The following EPHA6 variants were observed in gnomAD, a reference collection of about 807,000 sequenced individuals.
The protein encoded by EPHA6 is ephrin type-A receptor 6.
EPHA6 carries 50 observed loss-of-function variants against 112.0 expected under a neutral mutation model. The ratio of observed to expected loss-of-function variants is 0.45; its 90% CI spans 0.36 to 0.56. The LOEUF is 0.56. Among genes scored for constraint, EPHA6 ranks in the 20% least tolerant of loss-of-function variants. EPHA6 has a pLI of 0.00. For missense variants in EPHA6, 1,280 were observed against 1,417.4 expected, an observed-to-expected ratio of 0.90 and a Z score of 1.56; for synonymous variants, 529 against 490.7, an observed-to-expected ratio of 1.08 and a Z score of -1.03.
At chr3:97,710,810 C>T (rs2107763144) in intron 14 of EPHA6, among the ~76,000 whole-genome samples, 1 of 152,336 alleles carries the variant, frequency 6.6e-6, no homozygotes, top group Admixed American at 6.5e-5. Context: ...TTATGAGAAT[C>T]ACCCTTGTGT....
chr3:97,611,805 C>T (rs755141876), intron 13 of EPHA6, among the ~76,000 whole-genome samples: 2 of 151,764 alleles, frequency 1.3e-5, no homozygotes, highest in African/African-American at 4.8e-5. Flanking sequence ...CACTTCACTT[C>T]GTTTTTTGCC....
chr3:97,228,514 C>T (rs61274724), intron 4 of EPHA6, among the ~76,000 whole-genome samples: 2,740 of 150,370 alleles, frequency 0.018, 92 homozygotes, highest in African/African-American at 0.058. Flanking sequence ...TGCTGAGTAG[C>T]ATTCTATGGT....
chr3:97,692,999 G>A (rs989805888), intron 14 of EPHA6, among the ~76,000 whole-genome samples: 2 of 152,126 alleles, frequency 1.3e-5, no homozygotes. Flanking sequence ...TGTTTACATT[G>A]CAGCTATGCT....
chr3:97,439,499 C>A, intron 6 of EPHA6: 1 of 332,282 alleles, frequency 3.0e-6, no homozygotes, highest in Middle Eastern at 1.4e-3. Flanking sequence ...TTAGAAATTT[C>A]TTCTTGTGCA....
intron 1 of EPHA6, among the ~76,000 whole-genome samples, chr3:96,831,463 G>A (rs1325965165): frequency 6.6e-6 from 1 of 151,650 alleles, no homozygotes; most frequent in East Asian, 1.9e-4. Flanking sequence ...GTTCTGCTGA[G>A]CCCACTCCAA....
intron 3 of EPHA6, among the ~76,000 whole-genome samples, chr3:97,126,276 T>G (rs566556918): frequency 6.6e-6 from 1 of 152,308 alleles, no homozygotes; most frequent in Admixed American, 6.5e-5. Flanking sequence ...GTAGTTCTCT[T>G]GTCTCAGAAT....
intron 5 of EPHA6, among the ~76,000 whole-genome samples, chr3:97,388,037 G>A (rs2086172622): frequency 6.6e-6 from 1 of 152,152 alleles, no homozygotes; most frequent in Non-Finnish European, 1.5e-5. Flanking sequence ...CACGAGAACA[G>A]CACAAATGAA....
chr3:96,966,344 C>A (rs190766347), intron 2 of EPHA6, among the ~76,000 whole-genome samples: 1 of 152,006 alleles, frequency 6.6e-6, no homozygotes, highest in African/African-American at 2.4e-5. Flanking sequence ...AGCCAGCTGG[C>A]AAAGCAGAAA....
chr3:97,512,818 G>T (rs1473985408), intron 10 of EPHA6, among the ~76,000 whole-genome samples: 1 of 152,156 alleles, frequency 6.6e-6, no homozygotes, highest in Non-Finnish European at 1.5e-5. Flanking sequence ...GCCCACCTCG[G>T]CCTCCGAAAG....
At chr3:97,202,609 C>A (rs1226607973) in intron 3 of EPHA6, among the ~76,000 whole-genome samples, 1 of 152,094 alleles carries the variant, frequency 6.6e-6, no homozygotes, top group African/African-American at 2.4e-5. Context: ...GCTGGGATTA[C>A]AGGCGTAAGC....
At chr3:96,956,327 A>G (rs1192155857) in intron 2 of EPHA6, among the ~76,000 whole-genome samples, 1 of 152,232 alleles carries the variant, frequency 6.6e-6, no homozygotes, top group Admixed American at 6.5e-5. Flanking sequence ...GATGAATTAG[A>G]AAGTTTAAGT....
intron 14 of EPHA6, among the ~76,000 whole-genome samples, chr3:97,670,407 T>C (rs186175110): frequency 3.2e-4 from 48 of 152,332 alleles, no homozygotes; most frequent in Non-Finnish European, 6.0e-4. Flanking sequence ...CCGTCTCTAG[T>C]ACTCAGGTCA....
chr3:97,578,525 T>C (rs2093408821), intron 11 of EPHA6, among the ~76,000 whole-genome samples: 1 of 152,026 alleles, frequency 6.6e-6, no homozygotes, highest in Admixed American at 6.6e-5. Context: ...ACGACAGGGG[T>C]TTTGAAACTG....
intron 15 of EPHA6, among the ~76,000 whole-genome samples, chr3:97,722,643 C>A (rs116887473): frequency 6.6e-6 from 1 of 150,740 alleles, no homozygotes; most frequent in Non-Finnish European, 1.5e-5. Flanking sequence ...TAAACAAAAT[C>A]GATAAGAGAC....
intron 3 of EPHA6, among the ~76,000 whole-genome samples, chr3:97,050,890 A>G (rs1306346936): frequency 2.0e-5 from 3 of 152,208 alleles, no homozygotes; most frequent in Non-Finnish European, 2.9e-5. Context: ...AAGTAGAGAT[A>G]AAAATGTGAT....
intron 3 of EPHA6, among the ~76,000 whole-genome samples, chr3:97,161,212 G>A (rs558651950): frequency 6.6e-6 from 1 of 152,054 alleles, no homozygotes; most frequent in African/African-American, 2.4e-5. Flanking sequence ...TTAAGTGTTC[G>A]GTCTCTACTA....
rs537082926 is a variant in EPHA6, at chr3:96,881,918, G to A, written c.450+15029G>A. Among the ~76,000 whole-genome samples, 156 of 152,322 alleles carry A rather than the reference G, an allele frequency of 1.0e-3. 1 individual carries two copies. The highest frequency in any genetic ancestry group is 3.5e-3 in the African/African-American group (147 of 41,582). ...CCGAAATCATCTCCTTTGACTCCAT[G>A]TCTCACATCCAGGTCATGTTTATGT... On this transcript the variant is annotated intron_variant, in intron 2 of 17. Coordinates refer to ENST00000389672, the MANE Select transcript of EPHA6 (RefSeq NM_001080448.3).
chr3:96,903,172 G>C (rs187748834), intron 2 of EPHA6, among the ~76,000 whole-genome samples: 135 of 152,264 alleles, frequency 8.9e-4, no homozygotes, highest in Admixed American at 1.3e-3. Flanking sequence ...ATCTGCAGAA[G>C]AGTGTTCTTG....
intron 5 of EPHA6, among the ~76,000 whole-genome samples, chr3:97,328,054 CATATATATATATATAT>C (rs71286029): frequency 8.3e-6 from 1 of 120,918 alleles, no homozygotes. Flanking sequence ...CATATATACA[CATATATATATATATAT>C]ATATATATAA....
Sources: gnomAD v4.1 joint callset for allele counts (sites outside exome capture counted in the v4.1 genomes callset) on GRCh38, gnomAD v4.1.1 for gene constraint, MANE v1.5 for transcripts, NCBI Gene and HGNC (gene_info 2026-07-23, HGNC 2026-07-21) for gene names.